Variants in BNC2 observed in about 807,000 individuals in gnomAD.
The protein encoded by BNC2 is zinc finger protein basonuclin-2.
A neutral mutation model predicts 76.3 loss-of-function variants in BNC2; 20 were observed. The ratio of observed to expected loss-of-function variants is 0.26; its 90% CI spans 0.18 to 0.38. BNC2 has a LOEUF of 0.38. Among genes scored for constraint, BNC2 ranks in the 10% least tolerant of loss-of-function variants. The pLI, the probability that BNC2 is intolerant of heterozygous loss-of-function variation, is 1.00. For missense variants in BNC2, 1,382 were observed against 1,399.8 expected, an observed-to-expected ratio of 0.99 and a Z score of 0.20; for synonymous variants, 582 against 514.8, an observed-to-expected ratio of 1.13 and a Z score of -1.77.
chr9:16,437,204 A>G lies in BNC2; in HGVS notation c.990T>C (p.Pro330=). The change falls in exon 6 of 7, where the codon CCT becomes CCC. Residue 330 remains proline (P), a synonymous_variant. Coordinates refer to ENST00000380672, the MANE Select transcript of BNC2 (RefSeq NM_017637.6). ...AFLLPFQYIN[P]VSAPLLGLPP... ...GCAACCCTAGCAGTGGTGCTGAGAC[A>G]GGGTTTATGTACTGGAATGGAAGCA... is the stretch of plus-strand genomic sequence containing the variant. 1 of 1,614,166 alleles carries G rather than the reference A, an allele frequency of 6.2e-7. No homozygotes were observed. Among genetic ancestry groups the G allele is most frequent in the Non-Finnish European group, 8.5e-7 (1 of 1,180,018 alleles).
chr9:16,462,331 A>G (rs1821600681), intron 5 of BNC2, among the ~76,000 whole-genome samples: 1 of 152,210 alleles, frequency 6.6e-6, no homozygotes, highest in Admixed American at 6.5e-5. Context: ...ACAGCTCAGG[A>G]GCCATCTCCT....
chr9:16,651,673 C>G (rs1290117570), intron 3 of BNC2, among the ~76,000 whole-genome samples: 1 of 152,128 alleles, frequency 6.6e-6, no homozygotes, highest in South Asian at 2.1e-4. Context: ...GGAAAGTCCA[C>G]ATAAGGCCAC....
intron 4 of BNC2, among the ~76,000 whole-genome samples, chr9:16,561,313 T>C (rs1267036637): frequency 6.6e-6 from 1 of 151,522 alleles, no homozygotes; most frequent in Non-Finnish European, 1.5e-5. Context: ...CCCACTCACA[T>C]ACCACACTGA....
At chr9:16,532,102 C>T (rs112204487) in intron 5 of BNC2, among the ~76,000 whole-genome samples, 8 of 150,828 alleles carry the variant, frequency 5.3e-5, no homozygotes, top group African/African-American at 1.9e-4. Context: ...ATCAATATAT[C>T]CTGTTGAGTA....
intron 3 of BNC2, among the ~76,000 whole-genome samples, chr9:16,664,797 C>A (rs1282326811): frequency 6.6e-6 from 1 of 152,086 alleles, no homozygotes; most frequent in Non-Finnish European, 1.5e-5. Flanking sequence ...GCTGAAAACG[C>A]TGTTCTGCTC....
chr9:16,810,032 G>C (rs1033337368), intron 1 of BNC2, among the ~76,000 whole-genome samples: 1 of 152,112 alleles, frequency 6.6e-6, no homozygotes, highest in African/African-American at 2.4e-5. Flanking sequence ...TATGATTAAA[G>C]AAGCTCTTTA....
At chr9:16,801,279 C>T (rs1048472755) in intron 1 of BNC2, among the ~76,000 whole-genome samples, 2 of 152,144 alleles carry the variant, frequency 1.3e-5, no homozygotes, top group African/African-American at 4.8e-5. Flanking sequence ...CAGAGTCTCA[C>T]TCTGTCACCC....
intron 1 of BNC2, among the ~76,000 whole-genome samples, chr9:16,766,645 T>A (rs114780842): frequency 0.019 from 2,924 of 152,352 alleles, 69 homozygotes; most frequent in African/African-American, 0.06. Context: ...AACTCATACC[T>A]TGGTCTTTAC....
intron 1 of BNC2, among the ~76,000 whole-genome samples, chr9:16,765,993 T>C (rs1044389244): frequency 6.6e-6 from 1 of 152,054 alleles, no homozygotes; most frequent in South Asian, 2.1e-4. Context: ...TTCACCGTGT[T>C]AGCCAGGATG....
At chr9:16,497,066 G>A (rs530851324) in intron 5 of BNC2, among the ~76,000 whole-genome samples, 109 of 152,352 alleles carry the variant, frequency 7.2e-4, no homozygotes, top group African/African-American at 2.5e-3. Flanking sequence ...TGCAGAGTCA[G>A]GCATTGCCTG....
At chr9:16,732,423 A>T (rs1824538509) in intron 2 of BNC2, among the ~76,000 whole-genome samples, 1 of 152,230 alleles carries the variant, frequency 6.6e-6, no homozygotes, top group Non-Finnish European at 1.5e-5. Context: ...ATATGATTTT[A>T]TGATGAAAGC....
chr9:16,582,367 C>T (rs1819649375), intron 4 of BNC2, among the ~76,000 whole-genome samples: 2 of 152,070 alleles, frequency 1.3e-5, no homozygotes, highest in Admixed American at 6.5e-5. Flanking sequence ...ATATCCTTCG[C>T]GTGGGGTCTC....
chr9:16,544,631 A>G lies in BNC2; in HGVS notation c.669+7899T>C, dbSNP rs370785596. Among the ~76,000 whole-genome samples, 269 of 152,128 alleles carry G rather than the reference A, an allele frequency of 1.8e-3. 1 individual carries two copies. Among genetic ancestry groups the G allele is most frequent in the African/African-American group, 5.8e-3 (242 of 41,518 alleles). On this transcript the variant is annotated intron_variant, in intron 5 of 6. Coordinates refer to ENST00000380672, the MANE Select transcript of BNC2 (RefSeq NM_017637.6). The stretch of plus-strand genomic sequence containing the variant: ...TCAGGAGTTTGAGACCAGCCTGGCC[A>G]ACACTGGTAAAACCCCATCTCCACT...
intron 1 of BNC2, among the ~76,000 whole-genome samples, chr9:16,864,234 C>T (rs910596445): frequency 6.6e-6 from 1 of 152,030 alleles, no homozygotes; most frequent in Non-Finnish European, 1.5e-5. Flanking sequence ...ATTATTTTTA[C>T]ATAGATTTTA....
At chr9:16,673,876 CACTTAAA>C (rs1488604666) in intron 3 of BNC2, among the ~76,000 whole-genome samples, 1 of 152,186 alleles carries the variant, frequency 6.6e-6, no homozygotes, top group African/African-American at 2.4e-5. Context: ...AGTTCCCCTA[CACTTAAA>C]AAATGAAGTG....
intron 3 of BNC2, among the ~76,000 whole-genome samples, chr9:16,706,506 T>A (rs1327480566): frequency 5.9e-5 from 9 of 152,156 alleles, no homozygotes; most frequent in Non-Finnish European, 1.0e-4. Context: ...ATGAAGAACA[T>A]CTTACTTCAT....
chr9:16,616,630 A>G (rs1820705653), intron 3 of BNC2, among the ~76,000 whole-genome samples: 1 of 151,306 alleles, frequency 6.6e-6, no homozygotes. Context: ...TCAAGGCTAC[A>G]GGGAGCTGAG....
At position 16,508,906 on chromosome 9, in the gene BNC2, G is replaced by A. The variant is rs577863827; in HGVS notation, c.669+43624C>T. Among the ~76,000 whole-genome samples, 56 of 150,094 alleles carry A rather than the reference G, an allele frequency of 3.7e-4. 1 individual carries two copies. The South Asian group carries it at 0.01, about 28-fold the overall frequency. On this transcript the variant is annotated intron_variant, in intron 5 of 6. Transcript: ENST00000380672. ...GGCACAATTAGCTCATTGTAACCTCGAACTTCTGAGCCCAAGCAATCCTCC... is the reference window on the plus strand; with the variant it reads ...GGCACAATTAGCTCATTGTAACCTCAAACTTCTGAGCCCAAGCAATCCTCC...
At chr9:16,481,558 G>A (rs1437391231) in intron 5 of BNC2, among the ~76,000 whole-genome samples, 6 of 152,088 alleles carry the variant, frequency 3.9e-5, no homozygotes, top group South Asian at 2.1e-4. Flanking sequence ...CATTCACCGC[G>A]AGGGTCCGCG....
Sources: allele counts gnomAD v4.1 joint callset (sites outside exome capture counted in the v4.1 genomes callset), GRCh38; gene constraint gnomAD v4.1.1; transcripts MANE v1.5; gene names NCBI Gene and HGNC (gene_info 2026-07-23, HGNC 2026-07-21).